The following STRBP variants were observed in gnomAD, a reference collection of about 807,000 sequenced individuals.
STRBP encodes spermatid perinuclear RNA binding protein.
A neutral mutation model predicts 80.1 loss-of-function variants in STRBP; 13 were observed. The observed-to-expected ratio is 0.16, with a 90% CI of 0.11 to 0.26. STRBP has a LOEUF of 0.26. STRBP is among the 10% of genes least tolerant of loss of function. The probability of loss-of-function intolerance (pLI) is 1.00; values close to 1 mark genes in which losing one functional copy is unlikely to be tolerated. For synonymous variants in STRBP, 284 were observed against 291.2 expected (o/e 0.98, Z 0.25); for missense variants, 485 against 815.2 (o/e 0.59, Z 4.93).
chr9:123,242,616 C>A (rs1316749609), intron 1 of STRBP, among the ~76,000 whole-genome samples: 1 of 152,140 alleles, frequency 6.6e-6, no homozygotes, highest in Non-Finnish European at 1.5e-5. Context: ...GTAGAGATCA[C>A]ACCACTGCAC....
chr9:123,164,846 A>G (rs1049001008), intron 6 of STRBP, among the ~76,000 whole-genome samples: 1 of 152,206 alleles, frequency 6.6e-6, no homozygotes, highest in Non-Finnish European at 1.5e-5. Flanking sequence ...TGCAAAACAC[A>G]GGCACATAAT....
chr9:123,267,247 C>T (rs1564345837), intron 1 of STRBP, among the ~76,000 whole-genome samples: 1 of 151,568 alleles, frequency 6.6e-6, no homozygotes, highest in Non-Finnish European at 1.5e-5. Context: ...CTCAAAATTC[C>T]CTCTCTTGCT....
At position 123,122,691 on chromosome 9, in the gene STRBP, T is replaced by C; in HGVS notation, c.*2906A>G. On this transcript the variant is annotated 3_prime_UTR_variant, in exon 19 of 19. Transcript: ENST00000348403. The stretch of plus-strand genomic sequence containing the variant: ...ACAAGCTGCAAGCCACATCCCTGGC[T>C]AGGGGCCAGTCCCCGTGCAGAGGAT... 1 of 1,012,496 alleles carries C rather than the reference T, an allele frequency of 9.9e-7. No homozygotes were observed. The highest frequency in any genetic ancestry group is 1.2e-6 in the Non-Finnish European group (1 of 847,502). 62.7% of individuals were successfully genotyped at this position (1,012,496 alleles called of 1,614,324 possible). A position where few individuals can be genotyped will look rare whatever the true frequency, so the allele number is the denominator to read the frequency against.
chr9:123,127,784 T>G (rs1266482800), intron 18 of STRBP, among the ~76,000 whole-genome samples: 1 of 152,158 alleles, frequency 6.6e-6, no homozygotes, highest in African/African-American at 2.4e-5. Context: ...AGGCTACAAA[T>G]TTGAAGTGAG....
chr9:123,240,318 T>C (rs1244773170), intron 1 of STRBP, among the ~76,000 whole-genome samples: 1 of 152,132 alleles, frequency 6.6e-6, no homozygotes, highest in Non-Finnish European at 1.5e-5. Context: ...TGTATAAAAA[T>C]GTTATTGTCT....
intron 2 of STRBP, among the ~76,000 whole-genome samples, chr9:123,215,630 T>G (rs899166309): frequency 2.6e-5 from 4 of 151,670 alleles, no homozygotes; most frequent in African/African-American, 9.7e-5. Context: ...ACTAAAAATA[T>G]AAAAATTAGC....
chr9:123,149,887 C>T (rs2036980361), intron 11 of STRBP, among the ~76,000 whole-genome samples: 1 of 152,090 alleles, frequency 6.6e-6, no homozygotes, highest in Non-Finnish European at 1.5e-5. Flanking sequence ...CAATTTTAGG[C>T]GCTAGACACA....
intron 1 of STRBP, among the ~76,000 whole-genome samples, chr9:123,260,504 G>C (rs1373300544): frequency 6.6e-6 from 1 of 152,206 alleles, no homozygotes; most frequent in Non-Finnish European, 1.5e-5. Flanking sequence ...AGCTCAGAGA[G>C]AGTAAATAAT....
At chr9:123,127,595 C>G (rs1026224759) in intron 18 of STRBP, among the ~76,000 whole-genome samples, 1 of 152,148 alleles carries the variant, frequency 6.6e-6, no homozygotes, top group African/African-American at 2.4e-5. Context: ...TATGCATTTG[C>G]TTTTATTTTT....
intron 17 of STRBP, among the ~76,000 whole-genome samples, chr9:123,128,989 T>C (rs2036015552): frequency 6.6e-6 from 1 of 152,252 alleles, no homozygotes; most frequent in Non-Finnish European, 1.5e-5. Flanking sequence ...TTAGAAATAT[T>C]ACCTATATTA....
chr9:123,203,928 C>G (rs573541904), intron 2 of STRBP, among the ~76,000 whole-genome samples: 31 of 152,112 alleles, frequency 2.0e-4, no homozygotes, highest in African/African-American at 7.2e-4. Flanking sequence ...GCCAAGATCG[C>G]GCCACTGCAC....
At chr9:123,233,379 T>C (rs1273860707) in intron 2 of STRBP, among the ~76,000 whole-genome samples, 2 of 152,174 alleles carry the variant, frequency 1.3e-5, no homozygotes, top group Non-Finnish European at 1.5e-5. Context: ...GCCAGGCTTA[T>C]GTATATAAAT....
At chr9:123,147,937 C>G in intron 11 of STRBP, 67 bp from the exon 12 acceptor site, 1 of 1,318,038 alleles carries the variant, frequency 7.6e-7, no homozygotes, top group Non-Finnish European at 1.1e-6. Context: ...CCATATGTAT[C>G]TAACATGTTC....
rs11399013 is a variant in STRBP, at chr9:123,125,410, C to CT, written c.*186dup. The CT allele has an allele frequency of 0.24, 209,993 of 861,196 alleles. 14,058 individuals are homozygous for CT. The highest frequency in any genetic ancestry group is 0.6 in the African/African-American group (35,388 of 59,080). The allele number at this position is 861,196 out of a possible 1,614,324, so 53.3% of individuals were successfully genotyped here. A position where few individuals can be genotyped will look rare whatever the true frequency, so the allele number is the denominator to read the frequency against. ...GGTACCGTTTTCACAGAACTGGTTT[C>CT]TTTTTTTTTTTTCAAGTTTTAGAGA... On this transcript the variant is annotated 3_prime_UTR_variant, in exon 19 of 19. Coordinates refer to ENST00000348403, the MANE Select transcript of STRBP (RefSeq NM_018387.5).
At chr9:123,179,744 A>C (rs2132452373) in intron 3 of STRBP, among the ~76,000 whole-genome samples, 1 of 152,168 alleles carries the variant, frequency 6.6e-6, no homozygotes, top group South Asian at 2.1e-4. Flanking sequence ...CTCTGTCTCT[A>C]AATAAATAAA....
intron 2 of STRBP, among the ~76,000 whole-genome samples, chr9:123,234,602 CTGTTT>C (rs1296196969): frequency 1.3e-5 from 2 of 152,058 alleles, no homozygotes; most frequent in South Asian, 2.1e-4. Context: ...GTCTTAAATC[CTGTTT>C]TGTTTTGTTT....
At chr9:123,154,053 G>C (rs1351065604) in intron 11 of STRBP, among the ~76,000 whole-genome samples, 1 of 152,150 alleles carries the variant, frequency 6.6e-6, no homozygotes, top group African/African-American at 2.4e-5. Context: ...AGGATACAGG[G>C]CAACAGGAAT....
chr9:123,189,795 T>TA (rs1283987749), intron 2 of STRBP, among the ~76,000 whole-genome samples: 1 of 152,084 alleles, frequency 6.6e-6, no homozygotes. Context: ...CATGTATACC[T>TA]ATGTATCAAA....
chr9:123,149,786 C>T (rs2036977295), intron 11 of STRBP, among the ~76,000 whole-genome samples: 1 of 152,166 alleles, frequency 6.6e-6, no homozygotes, highest in South Asian at 2.1e-4. Flanking sequence ...CCTCATGAAG[C>T]CATTACCTTT....
Sources: allele counts gnomAD v4.1 joint callset (sites outside exome capture counted in the v4.1 genomes callset), GRCh38; gene constraint gnomAD v4.1.1; transcripts MANE v1.5; gene names NCBI Gene and HGNC (gene_info 2026-07-23, HGNC 2026-07-21).